The following VPS13A variants were observed in gnomAD, a reference collection of about 807,000 sequenced individuals.
VPS13A encodes the protein vacuolar protein sorting 13 homolog A, also known as intermembrane lipid transfer protein VPS13A.
A neutral mutation model predicts 390.9 loss-of-function variants in VPS13A; 264 were observed. The observed-to-expected ratio is 0.68, with a 90% CI of 0.61 to 0.75. The LOEUF (loss-of-function observed/expected upper bound fraction) is 0.75, where lower values mean the gene tolerates loss of function less well. Among genes scored for constraint, VPS13A ranks in the 30% least tolerant of loss-of-function variants. The pLI is 0.00. For missense variants in VPS13A, 3,409 were observed against 3,733.9 expected (o/e 0.91, Z 2.27); for synonymous variants, 1,231 against 1,227.1 (o/e 1.00, Z -0.07).
intron 68 of VPS13A, among the ~76,000 whole-genome samples, chr9:77,384,255 A>G (rs1417975893): frequency 6.6e-6 from 1 of 151,826 alleles, no homozygotes; most frequent in Non-Finnish European, 1.5e-5. Context: ...GTACCTTTCT[A>G]TCTAGAAGGT....
intron 45 of VPS13A, among the ~76,000 whole-genome samples, chr9:77,327,050 C>T (rs576837330): frequency 9.8e-5 from 15 of 152,290 alleles, no homozygotes; most frequent in Non-Finnish European, 2.1e-4. Flanking sequence ...GCTGCCTGCT[C>T]CTCACACAGC....
intron 3 of VPS13A, among the ~76,000 whole-genome samples, chr9:77,203,033 A>G (rs1825421198): frequency 6.6e-6 from 1 of 152,164 alleles, no homozygotes. Context: ...CATGTTTCCA[A>G]ATGAATGATA....
intron 34 of VPS13A, among the ~76,000 whole-genome samples, chr9:77,307,094 G>A (rs72744288): frequency 0.057 from 8,728 of 151,876 alleles, 370 homozygotes; most frequent in South Asian, 0.12. Context: ...GGTAGAGTCG[G>A]GGTTTCACCG....
intron 31 of VPS13A, among the ~76,000 whole-genome samples, chr9:77,288,508 C>T (rs1395713317): frequency 6.6e-6 from 1 of 152,090 alleles, no homozygotes; most frequent in African/African-American, 2.4e-5. Context: ...AATTTCTCTT[C>T]TGACTTTCTT....
intron 67 of VPS13A, among the ~76,000 whole-genome samples, chr9:77,377,212 T>TTTTTTG (rs1554675544): frequency 7.8e-5 from 9 of 115,588 alleles, no homozygotes; most frequent in Admixed American, 2.6e-4. Context: ...TGTTTTTTTT[T>TTTTTTG]TTTTTTTTTT....
chr9:77,293,207 C>A, intron 31 of VPS13A, 134 bp from the exon 32 acceptor site: 1 of 739,652 alleles, frequency 1.4e-6, no homozygotes, highest in Non-Finnish European at 2.2e-6. Flanking sequence ...GAATTGTTGC[C>A]TCATTTGTAC....
intron 2 of VPS13A, 103 bp from the exon 3 acceptor site, chr9:77,201,262 T>G (rs1456446167): frequency 1.3e-6 from 1 of 783,128 alleles, no homozygotes; most frequent in Non-Finnish European, 2.2e-6. Context: ...GTAAGTTTAT[T>G]AAAAAATCCC....
chr9:77,280,359 C>G, intron 27 of VPS13A, 121 bp downstream of exon 27: 1 of 760,116 alleles, frequency 1.3e-6, no homozygotes, highest in Non-Finnish European at 2.1e-6. Context: ...CTTTGTAACT[C>G]CTAATACTAA....
intron 34 of VPS13A, 60 bp downstream of exon 34, chr9:77,303,122 G>C: frequency 6.4e-7 from 1 of 1,568,732 alleles, no homozygotes; most frequent in Non-Finnish European, 8.8e-7. Flanking sequence ...ACTGCTTGGG[G>C]ACATAAGGCA....
intron 1 of VPS13A, among the ~76,000 whole-genome samples, chr9:77,186,639 T>A (rs1200707310): frequency 6.6e-6 from 1 of 152,184 alleles, no homozygotes; most frequent in African/African-American, 2.4e-5. Flanking sequence ...GGTTTCACTA[T>A]GTTGACCAGA....
At chr9:77,239,789 C>T (rs1295744797) in intron 19 of VPS13A, among the ~76,000 whole-genome samples, 3 of 151,656 alleles carry the variant, frequency 2.0e-5, no homozygotes, top group Non-Finnish European at 4.4e-5. Flanking sequence ...TTTTTCTTGC[C>T]TTCCTTTGGA....
Position 77,316,212 on chromosome 9 carries a change from A to C in VPS13A, c.4669A>C (p.Ile1557Leu), listed in dbSNP as rs780659325. 4 of 1,612,728 alleles carry C rather than the reference A, an allele frequency of 2.5e-6. No homozygotes were observed. The highest frequency in any genetic ancestry group is 3.4e-6 in the Non-Finnish European group (4 of 1,179,060). The change falls in exon 39 of 72, where the codon ATT becomes CTT. Residue 1557 changes from isoleucine (I) to leucine (L), a missense_variant. Around this residue, in one of 5 missense-constraint regions of VPS13A, gnomAD observed 2,717 missense variants for 2,917.4 expected, o/e 0.93. Coordinates refer to ENST00000360280, the MANE Select transcript of VPS13A (RefSeq NM_033305.3). ...QESVKWEINVIIKNPEIVFVA... is the reference protein window; with the variant it reads ...QESVKWEINVLIKNPEIVFVA... Reference sequence around the variant, plus strand: ...ATCAGTGAAGTGGGAAATTAATGTTATTATTAAAAATCCTGAAATTGTGTT... The same window carrying C: ...ATCAGTGAAGTGGGAAATTAATGTTCTTATTAAAAATCCTGAAATTGTGTT...
intron 68 of VPS13A, among the ~76,000 whole-genome samples, chr9:77,391,195 T>TG (rs1833883581): frequency 6.6e-6 from 1 of 152,166 alleles, no homozygotes; most frequent in Admixed American, 6.5e-5. Context: ...CCTAGTAACT[T>TG]TCCCTAGTTA....
intron 68 of VPS13A, among the ~76,000 whole-genome samples, chr9:77,390,726 T>G (rs1226592768): frequency 6.8e-6 from 1 of 147,760 alleles, no homozygotes; most frequent in Non-Finnish European, 1.5e-5. Context: ...TCGCCCAAGC[T>G]GGAATGCAGT....
At chr9:77,390,144 TAAGTGGACAA>T (rs1833846318) in intron 68 of VPS13A, 2 of 984,130 alleles carry the variant, frequency 2.0e-6, no homozygotes, top group Admixed American at 6.2e-5. Context: ...AAAATTTGAG[TAAGTGGACAA>T]GAACTAGGAG....
Position 77,315,241 on chromosome 9 carries a change from T to C in VPS13A, c.4413-12T>C. ...ACTCATACATAGGAATTGTTGTTAT[T>C]GTGTTTTCCAGAATGATAGGACTGA... On this transcript the variant is annotated splice_polypyrimidine_tract_variant and intron_variant, in intron 37 of 71. Transcript: ENST00000360280. 7.4e-6 allele frequency: 12 copies of C among 1,610,886 alleles called. No homozygotes were observed. Among genetic ancestry groups the C allele is most frequent in the Admixed American group, 1.7e-5 (1 of 60,006 alleles).
At chr9:77,355,276 A>C (rs927004357) in intron 54 of VPS13A, among the ~76,000 whole-genome samples, 2 of 152,214 alleles carry the variant, frequency 1.3e-5, no homozygotes, top group African/African-American at 4.8e-5. Flanking sequence ...CCATAATGCC[A>C]TATCCAGTGT....
At chr9:77,321,834 A>AT in intron 44 of VPS13A, 88 bp downstream of exon 44, 1 of 1,513,294 alleles carries the variant, frequency 6.6e-7, no homozygotes, top group Non-Finnish European at 9.0e-7. Flanking sequence ...GAATCTTAGC[A>AT]AGGTTTTTTT....
At chr9:77,208,942 C>T (rs1825823230) in intron 5 of VPS13A, among the ~76,000 whole-genome samples, 1 of 152,168 alleles carries the variant, frequency 6.6e-6, no homozygotes, top group Admixed American at 6.5e-5. Flanking sequence ...GAACTTCTTT[C>T]ATCCTTGTTC....
Sources: allele counts gnomAD v4.1 joint callset (sites outside exome capture counted in the v4.1 genomes callset), GRCh38; gene constraint gnomAD v4.1.1; regional missense constraint gnomAD v4.1.1; transcripts MANE v1.5; gene names NCBI Gene and HGNC (gene_info 2026-07-23, HGNC 2026-07-21).